GPR137C: variants seen among roughly 807,000 people sequenced by gnomAD.
GPR137C encodes the protein G protein-coupled receptor 137C, also known as integral membrane protein GPR137C.
A neutral mutation model predicts 43.4 loss-of-function variants in GPR137C; 27 were observed. That is an observed-to-expected ratio of 0.62 (90% CI 0.46 to 0.86). The LOEUF is 0.86. GPR137C is among the 40% of genes least tolerant of loss of function. The probability of loss-of-function intolerance (pLI) is 0.00; values close to 1 mark genes in which losing one functional copy is unlikely to be tolerated. For missense variants in GPR137C, 522 were observed against 534.6 expected (o/e 0.98, Z 0.23); for synonymous variants, 285 against 226.9 (o/e 1.26, Z -2.30).
At chr14:52,593,459 C>T (rs957266418) in intron 1 of GPR137C, among the ~76,000 whole-genome samples, 3 of 152,164 alleles carry the variant, frequency 2.0e-5, no homozygotes, top group Admixed American at 1.3e-4. Flanking sequence ...CCATCTGGTC[C>T]TGGACGTTTT....
At chr14:52,623,151 A>G (rs1423136316) in intron 3 of GPR137C, among the ~76,000 whole-genome samples, 2 of 152,190 alleles carry the variant, frequency 1.3e-5, no homozygotes, top group African/African-American at 2.4e-5. Context: ...CTGACACCAT[A>G]TAAATGCAAC....
At chr14:52,586,656 T>C (rs1190818509) in intron 1 of GPR137C, among the ~76,000 whole-genome samples, 2 of 152,182 alleles carry the variant, frequency 1.3e-5, no homozygotes, top group Non-Finnish European at 2.9e-5. Context: ...TTGACTCTCA[T>C]TCTACACTTT....
intron 1 of GPR137C, among the ~76,000 whole-genome samples, chr14:52,589,402 A>G (rs2038753447): frequency 6.6e-6 from 1 of 152,190 alleles, no homozygotes; most frequent in South Asian, 2.1e-4. Context: ...TGTTACCACA[A>G]TTTTTAAAAA....
At chr14:52,581,298 C>G (rs1036064519) in intron 1 of GPR137C, among the ~76,000 whole-genome samples, 13 of 151,004 alleles carry the variant, frequency 8.6e-5, no homozygotes, top group African/African-American at 3.2e-4. Flanking sequence ...CACTGGGAGG[C>G]CGAGGCAGGC....
chr14:52,633,398 T>C (rs1313411914), intron 4 of GPR137C, 132 bp from the exon 5 acceptor site: 2 of 651,726 alleles, frequency 3.1e-6, no homozygotes, highest in South Asian at 6.0e-5. Context: ...CCACAAAATA[T>C]AGAAAGTTTT....
At chr14:52,607,157 A>G (rs1356455658) in intron 3 of GPR137C, among the ~76,000 whole-genome samples, 2 of 152,178 alleles carry the variant, frequency 1.3e-5, no homozygotes, top group East Asian at 1.9e-4. Context: ...AGATATTGAT[A>G]TGATTTGACT....
intron 1 of GPR137C, among the ~76,000 whole-genome samples, chr14:52,571,922 C>T: frequency 6.6e-6 from 1 of 152,132 alleles, no homozygotes; most frequent in East Asian, 1.9e-4. Context: ...GATATCATCA[C>T]CGATCCCATA....
At chr14:52,601,602 C>G (rs915215775) in intron 3 of GPR137C, among the ~76,000 whole-genome samples, 1 of 151,768 alleles carries the variant, frequency 6.6e-6, no homozygotes, top group African/African-American at 2.4e-5. Flanking sequence ...AATTTCTAGT[C>G]TAGTTTGCTC....
At chr14:52,568,906 G>A (rs1459788639) in intron 1 of GPR137C, among the ~76,000 whole-genome samples, 1 of 152,230 alleles carries the variant, frequency 6.6e-6, no homozygotes, top group Non-Finnish European at 1.5e-5. Flanking sequence ...CGGCTCTTAA[G>A]AGAGCAGCGG....
intron 1 of GPR137C, among the ~76,000 whole-genome samples, chr14:52,560,874 T>A (rs1286463808): frequency 6.6e-6 from 1 of 152,100 alleles, no homozygotes; most frequent in Non-Finnish European, 1.5e-5. Context: ...CAAATGAGAC[T>A]TTATCAAAAT....
In GPR137C at chr14:52,585,112, GA is replaced by G. The variant is rs893184497; in HGVS notation, c.445-13153del. Among the ~76,000 whole-genome samples the G allele has an allele frequency of 3.3e-5, 5 of 151,952 alleles. No homozygotes were observed. The East Asian group carries it at 9.7e-4, about 29-fold the overall frequency. On this transcript the variant is annotated intron_variant, in intron 1 of 6. Transcript: ENST00000321662. ...AGTGACCTTGCCACCTACTTTCCTA[GA>G]AAAAAATAGAATCCATCTGCCAAAT...
At chr14:52,580,361 G>GAA (rs145239739) in intron 1 of GPR137C, among the ~76,000 whole-genome samples, 2 of 150,464 alleles carry the variant, frequency 1.3e-5, no homozygotes, top group African/African-American at 2.5e-5. Flanking sequence ...GAGACTAAAA[G>GAA]AAAAAAAAAT....
intron 3 of GPR137C, chr14:52,612,112 T>G: frequency 1.0e-6 from 1 of 983,568 alleles, no homozygotes; most frequent in African/African-American, 1.7e-5. Context: ...TATGGGCAGT[T>G]AGCCATATTA....
At chr14:52,592,251 G>T (rs1463962927) in intron 1 of GPR137C, among the ~76,000 whole-genome samples, 1 of 152,136 alleles carries the variant, frequency 6.6e-6, no homozygotes, top group Non-Finnish European at 1.5e-5. Context: ...TTTGAAGTCA[G>T]GTACTGTGAT....
intron 4 of GPR137C, among the ~76,000 whole-genome samples, chr14:52,632,631 C>T (rs180864565): frequency 1.7e-4 from 26 of 151,996 alleles, no homozygotes; most frequent in African/African-American, 5.3e-4. Flanking sequence ...TAAATGAATT[C>T]CCTATTATTA....
In GPR137C at chr14:52,603,572, C is replaced by T. The variant is rs1485471247; in HGVS notation, c.717+3231C>T. ...TTTTTGAGATGGAGTCTTGCTCTTT[C>T]GCTGAGGCTGGAGTACAAGTGGCGC... On this transcript the variant is annotated intron_variant, in intron 3 of 6. Coordinates refer to ENST00000321662, the MANE Select transcript of GPR137C (RefSeq NM_001099652.2). 2.6e-5 allele frequency among the ~76,000 whole-genome samples: 4 copies of T among 152,166 alleles called. No homozygotes were observed. The East Asian group carries it at 5.8e-4, about 22-fold the overall frequency.
intron 3 of GPR137C, chr14:52,611,476 C>A: frequency 7.0e-6 from 2 of 287,654 alleles, no homozygotes; most frequent in Non-Finnish European, 1.0e-5. Context: ...AATTGTTTGA[C>A]TAGATTTTTG....
chr14:52,633,333 TG>T (rs1283126447), intron 4 of GPR137C, among the ~76,000 whole-genome samples, 196 bp from the exon 5 acceptor site: 1 of 152,152 alleles, frequency 6.6e-6, no homozygotes, highest in Non-Finnish European at 1.5e-5. Context: ...TTTTATTTTT[TG>T]TAGCTTCAAA....
chr14:52,563,694 G>T (rs1025383604), intron 1 of GPR137C, among the ~76,000 whole-genome samples: 22 of 152,032 alleles, frequency 1.4e-4, no homozygotes, highest in African/African-American at 5.3e-4. Context: ...CCCCATTTCC[G>T]TGACTAGTAT....
Sources: gnomAD v4.1 joint callset for allele counts (sites outside exome capture counted in the v4.1 genomes callset) on GRCh38, gnomAD v4.1.1 for gene constraint, MANE v1.5 for transcripts, NCBI Gene and HGNC (gene_info 2026-07-23, HGNC 2026-07-21) for gene names.